The following HEPACAM2 variants were observed in gnomAD, a reference collection of about 807,000 sequenced individuals.
HEPACAM2 encodes the protein mitotic kinetics regulator.
A neutral mutation model predicts 49.6 loss-of-function variants in HEPACAM2; 49 were observed. The ratio of observed to expected loss-of-function variants is 0.99; its 90% CI spans 0.78 to 1.25. The LOEUF is 1.25. Among genes scored for constraint, HEPACAM2 ranks in the 50% most tolerant of loss-of-function variants. HEPACAM2 has a pLI of 0.00. For synonymous variants in HEPACAM2, 197 were observed against 202.9 expected, an observed-to-expected ratio of 0.97 and a Z score of 0.25; for missense variants, 525 against 557.2, an observed-to-expected ratio of 0.94 and a Z score of 0.58.
the HEPACAM2 span, among the ~76,000 whole-genome samples, chr7:93,231,945 A>T: frequency 6.6e-6 from 1 of 152,094 alleles, no homozygotes; most frequent in South Asian, 2.1e-4. Flanking sequence ...CCTCAGTGAC[A>T]GCCCTTTCTT....
In HEPACAM2 at chr7:93,211,130, C is replaced by T. The variant is rs139127340; in HGVS notation, c.716-2254G>A. On this transcript the variant is annotated intron_variant, in intron 3 of 9. Coordinates refer to ENST00000394468, the MANE Select transcript of HEPACAM2 (RefSeq NM_001039372.4). ...AAATTTTCTAAGCTATAACAGAAAACGAATATACAAAACAATAGATTATCT... is the reference window on the plus strand; with the variant it reads ...AAATTTTCTAAGCTATAACAGAAAATGAATATACAAAACAATAGATTATCT... 6.1e-3 allele frequency among the ~76,000 whole-genome samples: 930 copies of T among 151,962 alleles called. 7 individuals carry two copies. The highest frequency in any genetic ancestry group is 6.1e-3 in the Non-Finnish European group (414 of 67,912).
intron 3 of HEPACAM2, among the ~76,000 whole-genome samples, chr7:93,211,086 A>C (rs1318189717): frequency 6.6e-6 from 1 of 152,086 alleles, no homozygotes; most frequent in Non-Finnish European, 1.5e-5. Flanking sequence ...TTTTCTGACC[A>C]ATCTGCCACA....
At chr7:93,194,317 C>T (rs1045303484) in intron 8 of HEPACAM2, among the ~76,000 whole-genome samples, 8 of 152,116 alleles carry the variant, frequency 5.3e-5, no homozygotes, top group Non-Finnish European at 1.0e-4. Flanking sequence ...AAAACTGAAA[C>T]TCCTTATTCA....
At chr7:93,231,198 T>C (rs547230300), upstream of HEPACAM2, among the ~76,000 whole-genome samples, 1 of 152,354 alleles carries the variant, frequency 6.6e-6, no homozygotes, top group Non-Finnish European at 1.5e-5. Flanking sequence ...TAGTATTTTT[T>C]ATTACGTTGA....
chr7:93,205,361 T>A (rs1041297410), intron 4 of HEPACAM2, among the ~76,000 whole-genome samples: 5 of 152,150 alleles, frequency 3.3e-5, no homozygotes, highest in Non-Finnish European at 7.4e-5. Context: ...AACTTGATTA[T>A]TTCCTGACCT....
Position 93,195,890 on chromosome 7 carries a change from C to A in HEPACAM2, c.1213G>T (p.Ala405Ser). Residue 405 changes from alanine to serine, a missense_variant, in exon 8 of 10, where the codon GCT becomes TCT. Coordinates refer to ENST00000394468, the MANE Select transcript of HEPACAM2 (RefSeq NM_001039372.4). ...KAQTFSGHEDALDDFGIYEFV... is the reference protein window; with the variant it reads ...KAQTFSGHEDSLDDFGIYEFV... ...TCATATATTCCGAAGTCATCCAGAG[C>A]ATCTTCATGGCCTGAAATGTAAAAC... 6.2e-7 allele frequency: 1 copy of A among 1,612,116 alleles called. No homozygotes were observed. The highest frequency in any genetic ancestry group is 8.5e-7 in the Non-Finnish European group (1 of 1,178,698).
chr7:93,208,089 G>A (rs1370854732), intron 4 of HEPACAM2, among the ~76,000 whole-genome samples: 1 of 151,942 alleles, frequency 6.6e-6, no homozygotes, highest in Non-Finnish European at 1.5e-5. Flanking sequence ...CCAAGGTGTT[G>A]AGACTCCCCT....
rs540690335 is a variant in HEPACAM2, at chr7:93,218,215, T to A, written c.430+886A>T. Among the ~76,000 whole-genome samples the A allele has an allele frequency of 9.9e-5, 15 of 152,160 alleles. No individual in the cohort carries two copies. The East Asian group carries it at 1.7e-3, about 18-fold the overall frequency. On this transcript the variant is annotated intron_variant, in intron 2 of 9. Coordinates refer to ENST00000394468, the MANE Select transcript of HEPACAM2 (RefSeq NM_001039372.4). ...CATTGCAGATTGTTAATAATTTGAC[T>A]TTTACTCTGAGTGAGATAGAAGCAA... is the stretch of plus-strand genomic sequence containing the variant.
chr7:93,221,795 G>C (rs1459242751), intron 1 of HEPACAM2, among the ~76,000 whole-genome samples: 1 of 152,094 alleles, frequency 6.6e-6, no homozygotes, highest in East Asian at 1.9e-4. Flanking sequence ...GTGTTTTTGT[G>C]ATTAACTTCT....
At chr7:93,202,225 T>C (rs1183182294) in intron 4 of HEPACAM2, among the ~76,000 whole-genome samples, 2 of 150,586 alleles carry the variant, frequency 1.3e-5, no homozygotes, top group African/African-American at 4.9e-5. Flanking sequence ...AAAAACTAGC[T>C]AAGGGAATTT....
At position 93,215,261 on chromosome 7, in the gene HEPACAM2, G is replaced by A. The variant is rs1175187100; in HGVS notation, c.715+140C>T. 5.9e-6 allele frequency: 4 copies of A among 681,648 alleles called. No individual in the cohort carries two copies. In the East Asian group the frequency reaches 1.1e-4, roughly 18 times the overall value. 42.2% of individuals were successfully genotyped at this position (681,648 alleles called of 1,614,324 possible). ...ATTTCATACAAGACAGTGCCTAGGAGGTGTGATTAGAACTATTGAACTACA... is the reference window on the plus strand; with the variant it reads ...ATTTCATACAAGACAGTGCCTAGGAAGTGTGATTAGAACTATTGAACTACA... On this transcript the variant is annotated intron_variant, in intron 3 of 9. Coordinates refer to ENST00000394468, the MANE Select transcript of HEPACAM2 (RefSeq NM_001039372.4).
At chr7:93,195,552 T>C (rs1793690551) in intron 8 of HEPACAM2, among the ~76,000 whole-genome samples, 1 of 152,148 alleles carries the variant, frequency 6.6e-6, no homozygotes, top group Non-Finnish European at 1.5e-5. Flanking sequence ...TCAACCTAGT[T>C]AGTTCTCTCT....
At chr7:93,232,113 T>G in the HEPACAM2 span, among the ~76,000 whole-genome samples, 281 of 152,326 alleles carry the variant, frequency 1.8e-3, no homozygotes, top group African/African-American at 6.5e-3. Flanking sequence ...TAGTCACCTG[T>G]GACTTAGGTT....
At position 93,226,443 on chromosome 7, in the gene HEPACAM2, C is replaced by T. The variant is rs1034180298; in HGVS notation, c.4G>A (p.Gly2Arg). 1.2e-6 allele frequency: 2 copies of T among 1,612,924 alleles called. No individual in the cohort carries two copies. The highest frequency in any genetic ancestry group is 1.7e-5 in the Admixed American group (1 of 59,932). Residue 2 changes from glycine to arginine, a missense_variant, in exon 1 of 10, where the codon GGA (glycine) becomes AGA (arginine). By Grantham distance (125) the Gly-to-Arg change is moderately radical. Transcript: ENST00000394468. Reference protein sequence around the residue: MGQDAFMEPFGD... With the variant: MRQDAFMEPFGD... ...AAGGGCTCCATGAAAGCATCCTGTC[C>T]CATGCATGCAGTGCCCTGTTCTCAG...
chr7:93,191,864 G>T (rs1195876664), intron 9 of HEPACAM2, among the ~76,000 whole-genome samples: 1 of 152,042 alleles, frequency 6.6e-6, no homozygotes, highest in Non-Finnish European at 1.5e-5. Flanking sequence ...TATTTTTAGT[G>T]ACAAATCATC....
At chr7:93,210,138 T>C (rs764071579) in intron 3 of HEPACAM2, among the ~76,000 whole-genome samples, 1 of 151,966 alleles carries the variant, frequency 6.6e-6, no homozygotes, top group Non-Finnish European at 1.5e-5. Flanking sequence ...ATAGGTTTTC[T>C]CATTCAGTCT....
intron 6 of HEPACAM2, 27 bp from the exon 7 acceptor site, chr7:93,197,305 T>G (rs561889533): frequency 6.2e-7 from 1 of 1,609,904 alleles, no homozygotes; most frequent in South Asian, 1.1e-5. Flanking sequence ...GGTATTTTTG[T>G]CAGGGATAAT....
At chr7:93,232,244 G>A in the HEPACAM2 span, 1 of 509,854 alleles carries the variant, frequency 2.0e-6, no homozygotes, top group Non-Finnish European at 3.5e-6. Flanking sequence ...TCTTTTGCTT[G>A]CTGGGAGATG....
At position 93,189,010 on chromosome 7, in the gene HEPACAM2, CG is replaced by C. The variant is rs1793469035; in HGVS notation, c.*256del. ...AAACCCCTGTCACTTTCGTTCTCCC[CG>C]TCAGCATGAGAACGACTCTCCACTG... On this transcript the variant is annotated 3_prime_UTR_variant, in exon 10 of 10. Coordinates refer to ENST00000394468, the MANE Select transcript of HEPACAM2 (RefSeq NM_001039372.4). 2.2e-6 allele frequency: 1 copy of C among 463,094 alleles called. No individual in the cohort carries two copies. The highest frequency in any genetic ancestry group is 3.8e-6 in the Non-Finnish European group (1 of 262,644). 28.7% of individuals were successfully genotyped at this position (463,094 alleles called of 1,614,324 possible).
Sources: gnomAD v4.1 joint callset for allele counts (sites outside exome capture counted in the v4.1 genomes callset) on GRCh38, gnomAD v4.1.1 for gene constraint, MANE v1.5 for transcripts, NCBI Gene and HGNC (gene_info 2026-07-23, HGNC 2026-07-21) for gene names.